Variants in CAPNS1 observed in about 807,000 individuals in gnomAD.
CAPNS1 encodes CANP small subunit.
A neutral mutation model predicts 39.2 loss-of-function variants in CAPNS1; 32 were observed. The observed-to-expected ratio is 0.82, with a 90% CI of 0.62 to 1.10. The LOEUF (loss-of-function observed/expected upper bound fraction) is 1.10, where lower values mean the gene tolerates loss of function less well. Ranked by LOEUF, CAPNS1 falls within the 50% of genes least tolerant of loss-of-function variation. The pLI is 0.00. For synonymous variants in CAPNS1, 153 were observed against 136.2 expected, an observed-to-expected ratio of 1.12 and a Z score of -0.86; for missense variants, 353 against 373.1, an observed-to-expected ratio of 0.95 and a Z score of 0.44.
At position 36,141,119 on chromosome 19, in the gene CAPNS1, C is replaced by A. The variant is rs1974343882; in HGVS notation, c.108C>A (p.Ala36=). 7.3e-7 allele frequency: 1 copy of A among 1,365,096 alleles called. No homozygotes were observed. The highest frequency in any genetic ancestry group is 1.7e-5 in the South Asian group (1 of 57,602). 84.6% of individuals were successfully genotyped at this position (1,365,096 alleles called of 1,614,324 possible). A position where few individuals can be genotyped will look rare whatever the true frequency, so the allele number is the denominator to read the frequency against. Residue 36 remains alanine, a synonymous_variant, in exon 2 of 11, where the codon GCC becomes GCA. Transcript: ENST00000246533. ...TGCTTGGAGGCCTGATCAGCGGGGC[C>A]GGGGGCGGCGGCGGCGGCGGCGGCG... is the stretch of plus-strand genomic sequence containing the variant. The part of the protein sequence containing the change: ...GNVLGGLISG[A]GGGGGGGGGG...
At chr19:36,146,879 CTTG>C (rs1445308320) in intron 9 of CAPNS1, among the ~76,000 whole-genome samples, 1 of 152,184 alleles carries the variant, frequency 6.6e-6, no homozygotes, top group African/African-American at 2.4e-5. Flanking sequence ...GTCTGCTGCT[CTTG>C]TTGCCCAGGC....
chr19:36,143,263 C>A, intron 6 of CAPNS1, 135 bp downstream of exon 6: 1 of 791,570 alleles, frequency 1.3e-6, no homozygotes, highest in Non-Finnish European at 2.2e-6. Flanking sequence ...CACCTGCAGA[C>A]ATGTGGCGGT....
In CAPNS1 at chr19:36,150,032, CT is replaced by C. The variant is rs772591903; in HGVS notation, c.*194del. ...CAATTTGCCCTGCCTGGAGTTCCCC[CT>C]GGCTCTAGGACACTCTAACAAGCTC... On this transcript the variant is annotated 3_prime_UTR_variant, in exon 11 of 11. Coordinates refer to ENST00000246533, the MANE Select transcript of CAPNS1 (RefSeq NM_001749.4). The C allele has an allele frequency of 2.1e-6, 1 of 471,954 alleles. No individual in the cohort carries two copies. Among genetic ancestry groups the C allele is most frequent in the Non-Finnish European group, 3.6e-6 (1 of 279,612 alleles). 29.2% of individuals were successfully genotyped at this position (471,954 alleles called of 1,614,324 possible). A position where few individuals can be genotyped will look rare whatever the true frequency, so the allele number is the denominator to read the frequency against.
At chr19:36,143,481 C>T (rs769985763) in intron 6 of CAPNS1, among the ~76,000 whole-genome samples, 5 of 152,072 alleles carry the variant, frequency 3.3e-5, no homozygotes, top group Admixed American at 6.6e-5. Flanking sequence ...AATCCCAACA[C>T]TTTGGGAGGC....
chr19:36,141,833 G>T, intron 2 of CAPNS1: 1 of 208,140 alleles, frequency 4.8e-6, no homozygotes, highest in South Asian at 6.3e-5. Context: ...CAATGGCTGG[G>T]GTAGGATGTT....
chr19:36,145,809 G>C lies in CAPNS1; in HGVS notation c.460G>C (p.Asp154His). The C allele has an allele frequency of 1.2e-6, 2 of 1,613,970 alleles. No individual in the cohort carries two copies. Among genetic ancestry groups the C allele is most frequent in the Non-Finnish European group, 1.7e-6 (2 of 1,179,900 alleles). ...CRSMVAVMDS[D>H]TTGKLGFEEF... Reference sequence around the variant, plus strand: ...CTTCTTAACACCCTCCCACCAGAGCGACACCACAGGCAAGCTGGGCTTTGA... The same window carrying C: ...CTTCTTAACACCCTCCCACCAGAGCCACACCACAGGCAAGCTGGGCTTTGA... Residue 154 changes from aspartate (D) to histidine (H), a missense_variant, in exon 7 of 11, where the codon GAC becomes CAC. Physicochemically the swap from Asp to His is moderately conservative, Grantham distance 81. Coordinates refer to ENST00000246533, the MANE Select transcript of CAPNS1 (RefSeq NM_001749.4).
Position 36,145,852 on chromosome 19 carries a change from G to C in CAPNS1, c.503G>C (p.Trp168Ser), listed in dbSNP as rs749529165. The C allele has an allele frequency of 4.3e-6, 7 of 1,614,058 alleles. No homozygotes were observed. The African/African-American group carries it at 9.3e-5, about 22-fold the overall frequency. ...GGCTTTGAGGAATTCAAGTACTTGT[G>C]GAACAACATCAAAAGGTGGCAGGTG... ...KLGFEEFKYL[W>S]NNIKRWQAIY... is the part of the protein sequence containing the mutation. The change falls in exon 7 of 11, where the codon TGG becomes TCG. Residue 168 changes from tryptophan to serine, a missense_variant. By Grantham distance (177) the Trp-to-Ser change is radical (BLOSUM62 -3). Transcript: ENST00000246533.
At position 36,143,105 on chromosome 19, in the gene CAPNS1, C is replaced by A. The variant is rs200391065; in HGVS notation, c.433C>A (p.Arg145Ser). 3 of 1,613,940 alleles carry A rather than the reference C, an allele frequency of 1.9e-6. No individual in the cohort carries two copies. Among genetic ancestry groups the A allele is most frequent in the Non-Finnish European group, 2.5e-6 (3 of 1,180,036 alleles). Residue 145 changes from arginine (R) to serine (S), a missense_variant, in exon 6 of 11, where the codon CGC (arginine) becomes AGC (serine). Arg to Ser is a moderately radical substitution (Grantham distance 110). Coordinates refer to ENST00000246533, the MANE Select transcript of CAPNS1 (RefSeq NM_001749.4). The stretch of plus-strand genomic sequence containing the variant: ...TGATGGTTTTGGCATTGACACATGT[C>A]GCAGCATGGTGGCCGTGATGGATGT... The part of the protein sequence containing the change: ...KTDGFGIDTC[R>S]SMVAVMDSDT...
At chr19:36,143,904 C>T (rs1319238390) in intron 6 of CAPNS1, among the ~76,000 whole-genome samples, 3 of 132,140 alleles carry the variant, frequency 2.3e-5, no homozygotes, top group South Asian at 2.6e-4. Context: ...GGCCGGGCGC[C>T]GTGGCTCACG....
At chr19:36,149,756 A>ACC in intron 10 of CAPNS1, 57 bp from the exon 11 acceptor site, 1 of 1,586,890 alleles carries the variant, frequency 6.3e-7, no homozygotes, top group South Asian at 1.1e-5. Context: ...GGGTGAGGGC[A>ACC]AAGGGGCTGG....
In CAPNS1 at chr19:36,145,824, C is replaced by T. The variant is rs1475187771; in HGVS notation, c.475C>T (p.Leu159=). The change falls in exon 7 of 11, where the codon CTG becomes TTG. Residue 159 remains leucine, a synonymous_variant. Transcript: ENST00000246533. The part of the protein sequence containing the change: ...AVMDSDTTGK[L]GFEEFKYLWN... Reference sequence around the variant, plus strand: ...CCACCAGAGCGACACCACAGGCAAGCTGGGCTTTGAGGAATTCAAGTACTT... The same window carrying T: ...CCACCAGAGCGACACCACAGGCAAGTTGGGCTTTGAGGAATTCAAGTACTT... 2.5e-6 allele frequency: 4 copies of T among 1,614,012 alleles called. No homozygotes were observed. The highest frequency in any genetic ancestry group is 2.2e-5 in the East Asian group (1 of 44,886).
chr19:36,149,662 G>A, intron 10 of CAPNS1, 26 bp downstream of exon 10: 2 of 1,588,218 alleles, frequency 1.3e-6, no homozygotes, highest in Non-Finnish European at 1.7e-6. Flanking sequence ...TTGGGGTATG[G>A]GTGCCTGGGA....
In CAPNS1 at chr19:36,141,240, A is replaced by AGG. The variant is rs1599875722; in HGVS notation, c.209+23_209+24dup. On this transcript the variant is annotated intron_variant, in intron 2 of 10. Transcript: ENST00000246533. ...CATCAGGTAAGGCGGAGACTATCAG[A>AGG]GGGGCGGGGCCTGGGAATGGGAGGA... 6.6e-7 allele frequency: 1 copy of AGG among 1,512,982 alleles called. No individual in the cohort carries two copies. The highest frequency in any genetic ancestry group is 1.5e-5 in the African/African-American group (1 of 68,800). 93.7% of individuals were successfully genotyped at this position (1,512,982 alleles called of 1,614,324 possible).
At position 36,142,972 on chromosome 19, in the gene CAPNS1, T is replaced by C. The variant is rs1974434152; in HGVS notation, c.391+6T>C. On this transcript the variant is annotated splice_donor_region_variant and intron_variant, in intron 5 of 10. Transcript: ENST00000246533. ...CAATAAGGTTGTGACACGACGTAAG[T>C]GACCGGGGTTAAGGAATAGGGTAGA... The C allele has an allele frequency of 1.2e-6, 2 of 1,614,040 alleles. No homozygotes were observed. Among genetic ancestry groups the C allele is most frequent in the Non-Finnish European group, 1.7e-6 (2 of 1,179,992 alleles).
At chr19:36,149,438 C>T in intron 9 of CAPNS1, 140 bp from the exon 10 acceptor site, 1 of 711,042 alleles carries the variant, frequency 1.4e-6, no homozygotes, top group Non-Finnish European at 2.1e-6. Context: ...AAGCACTTTA[C>T]CCCATGCTTG....
intron 9 of CAPNS1, among the ~76,000 whole-genome samples, chr19:36,146,597 G>T (rs1250144383): frequency 6.6e-6 from 1 of 152,188 alleles, no homozygotes; most frequent in Non-Finnish European, 1.5e-5. Flanking sequence ...CTGGTGAGGG[G>T]AAGAGTGAGC....
chr19:36,147,795 G>A (rs199582690), intron 9 of CAPNS1, among the ~76,000 whole-genome samples: 5 of 151,884 alleles, frequency 3.3e-5, no homozygotes, highest in South Asian at 2.1e-4. Context: ...CCTCCAGGCC[G>A]GGTGCAGTGG....
At chr19:36,149,277 GGTCTCGAACTCCTGGGCGGCTCA>G (rs1461853364) in intron 9 of CAPNS1, among the ~76,000 whole-genome samples, 1 of 152,118 alleles carries the variant, frequency 6.6e-6, no homozygotes, top group Non-Finnish European at 1.5e-5. Flanking sequence ...TGCCCAGGTT[GGTCTCGAACTCCTGGGCGGCTCA>G]AGTGATCCTC....
At chr19:36,146,839 ATTTC>A (rs1321081582) in intron 9 of CAPNS1, among the ~76,000 whole-genome samples, 3 of 151,954 alleles carry the variant, frequency 2.0e-5, no homozygotes, top group African/African-American at 4.8e-5. Flanking sequence ...TTTTTGTTAG[ATTTC>A]TTTCTTTCTA....
Sources: gnomAD v4.1 joint callset for allele counts (sites outside exome capture counted in the v4.1 genomes callset) on GRCh38, gnomAD v4.1.1 for gene constraint, MANE v1.5 for transcripts, NCBI Gene and HGNC (gene_info 2026-07-23, HGNC 2026-07-21) for gene names.